The following CATSPERD variants were observed in gnomAD, a reference collection of about 807,000 sequenced individuals.
CATSPERD encodes the protein catsper channel auxiliary subunit delta, also known as cation channel sperm-associated auxiliary subunit delta.
A neutral mutation model predicts 98.1 loss-of-function variants in CATSPERD; 86 were observed. The ratio of observed to expected loss-of-function variants is 0.88; its 90% CI spans 0.74 to 1.05. The LOEUF (loss-of-function observed/expected upper bound fraction) is 1.05. CATSPERD is among the 50% of genes least tolerant of loss of function. The pLI is 0.00. For synonymous variants in CATSPERD, 394 were observed against 390.2 expected (o/e 1.01, Z -0.12); for missense variants, 995 against 1,005.7 (o/e 0.99, Z 0.14).
At chr19:5,737,080 A>G in intron 5 of CATSPERD, 58 bp from the exon 6 acceptor site, 1 of 1,215,156 alleles carries the variant, frequency 8.2e-7, no homozygotes. Context: ...AAAACAAAAA[A>G]CTTTTCTCCA....
At chr19:5,754,884 G>T (rs544236547) in intron 13 of CATSPERD, among the ~76,000 whole-genome samples, 9 of 138,372 alleles carry the variant, frequency 6.5e-5, no homozygotes, top group Non-Finnish European at 1.1e-4. Flanking sequence ...TTGCTCTGTC[G>T]CCCAGGCTGG....
chr19:5,751,419 A>T (rs12608476), intron 11 of CATSPERD, among the ~76,000 whole-genome samples: 67,210 of 145,954 alleles, frequency 0.46, 18,713 homozygotes, highest in East Asian at 0.89. Flanking sequence ...CTGTAGTCCC[A>T]GCTACTCGGG....
intron 14 of CATSPERD, 41 bp from the exon 15 acceptor site, chr19:5,759,045 T>C: frequency 6.3e-7 from 1 of 1,592,408 alleles, no homozygotes; most frequent in East Asian, 2.2e-5. Flanking sequence ...GCCCATGGTG[T>C]TCCACGGATA....
At chr19:5,762,196 TGAG>T (rs1568367162) in intron 15 of CATSPERD, among the ~76,000 whole-genome samples, 1 of 149,412 alleles carries the variant, frequency 6.7e-6, no homozygotes, top group East Asian at 2.0e-4. Flanking sequence ...CCCAGGTAGC[TGAG>T]ATTACAGACA....
chr19:5,740,336 C>T (rs1375743970), intron 7 of CATSPERD, among the ~76,000 whole-genome samples: 1 of 142,272 alleles, frequency 7.0e-6, no homozygotes, highest in Admixed American at 7.2e-5. Flanking sequence ...GCCTGTAATT[C>T]CAGCAATTTG....
intron 4 of CATSPERD, among the ~76,000 whole-genome samples, chr19:5,731,649 C>T (rs2055726066): frequency 7.5e-6 from 1 of 132,584 alleles, no homozygotes; most frequent in African/African-American, 2.8e-5. Flanking sequence ...AATCTCGGCT[C>T]ACTGCAAGCT....
Position 5,733,353 on chromosome 19 carries a change from TTCCTTCCCTC to T in CATSPERD, c.277-502_277-493del, listed in dbSNP as rs1346370838. 5.6e-5 allele frequency among the ~76,000 whole-genome samples: 8 copies of T among 142,324 alleles called. No individual in the cohort carries two copies. In the East Asian group the frequency reaches 1.3e-3, roughly 22 times the overall value. The allele number at this position is 142,324 out of a possible 152,430, so 93.4% of individuals were successfully genotyped here. ...TTTCTTTCCTTTCTTTCTTTCTTCCTTCCTTCCCTCCTTCCTTCCTTCCCTCCCTCTCTGC... is the reference window on the plus strand; with the variant it reads ...TTTCTTTCCTTTCTTTCTTTCTTCCTCTTCCTTCCTTCCCTCCCTCTCTGC... On this transcript the variant is annotated intron_variant, in intron 4 of 21. Coordinates refer to ENST00000381624, the MANE Select transcript of CATSPERD (RefSeq NM_152784.4).
intron 14 of CATSPERD, among the ~76,000 whole-genome samples, chr19:5,758,661 T>C (rs1379499131): frequency 6.7e-6 from 1 of 148,754 alleles, no homozygotes; most frequent in Non-Finnish European, 1.5e-5. Context: ...GAGAATGGCG[T>C]GAACCCAGGA....
In CATSPERD at chr19:5,755,246, G is replaced by A. The variant is rs1294319612; in HGVS notation, c.1278+1001G>A. Among the ~76,000 whole-genome samples the A allele has an allele frequency of 4.6e-5, 7 of 151,996 alleles. No individual in the cohort carries two copies. In the East Asian group the frequency reaches 1.2e-3, roughly 25 times the overall value. On this transcript the variant is annotated intron_variant, in intron 13 of 21. Transcript: ENST00000381624. Reference sequence around the variant, plus strand: ...AGCAGGAAGTGTTTGGATGTTTCTCGATCCAAAATCCAAGTGTCTAAGCCT... The same window carrying A: ...AGCAGGAAGTGTTTGGATGTTTCTCAATCCAAAATCCAAGTGTCTAAGCCT...
At chr19:5,742,807 G>T (rs182731264) in intron 7 of CATSPERD, among the ~76,000 whole-genome samples, 5 of 150,856 alleles carry the variant, frequency 3.3e-5, no homozygotes, top group Admixed American at 1.3e-4. Context: ...AAAAAGAAAA[G>T]AAACTGGTTG....
At chr19:5,731,480 A>G (rs1057125709) in intron 4 of CATSPERD, among the ~76,000 whole-genome samples, 1 of 151,614 alleles carries the variant, frequency 6.6e-6, no homozygotes, top group Non-Finnish European at 1.5e-5. Flanking sequence ...GCTTGAGACT[A>G]TCTCAAAATA....
chr19:5,726,434 T>C (rs1019604486), intron 2 of CATSPERD, among the ~76,000 whole-genome samples: 8 of 152,124 alleles, frequency 5.3e-5, no homozygotes, highest in African/African-American at 1.9e-4. Flanking sequence ...CAGGATGTAG[T>C]GCAGTGCTGA....
At chr19:5,741,199 C>G (rs1048010749) in intron 7 of CATSPERD, among the ~76,000 whole-genome samples, 4 of 152,192 alleles carry the variant, frequency 2.6e-5, no homozygotes, top group African/African-American at 9.7e-5. Flanking sequence ...TCATCATGCT[C>G]ACTTTACAGA....
At chr19:5,735,365 C>T (rs996948073) in intron 5 of CATSPERD, among the ~76,000 whole-genome samples, 7 of 152,040 alleles carry the variant, frequency 4.6e-5, no homozygotes, top group East Asian at 1.9e-4. Flanking sequence ...GGCTGGAGTG[C>T]GATCGCACGA....
intron 6 of CATSPERD, among the ~76,000 whole-genome samples, chr19:5,737,923 G>A (rs1261353387): frequency 6.6e-6 from 1 of 151,984 alleles, no homozygotes; most frequent in African/African-American, 2.4e-5. Context: ...CAAGAACTTG[G>A]TCAGTGTTAT....
At chr19:5,750,083 C>G (rs888312034) in intron 11 of CATSPERD, among the ~76,000 whole-genome samples, 3 of 150,436 alleles carry the variant, frequency 2.0e-5, no homozygotes, top group African/African-American at 7.3e-5. Context: ...GGATTACAGT[C>G]GTGAGCCACC....
intron 21 of CATSPERD, among the ~76,000 whole-genome samples, chr19:5,776,747 G>A (rs1028209839): frequency 1.3e-4 from 20 of 152,028 alleles, no homozygotes; most frequent in African/African-American, 4.6e-4. Flanking sequence ...GGTGGCAGGT[G>A]CCTTTAATCT....
At chr19:5,721,144 G>A (rs914412035) in intron 1 of CATSPERD, among the ~76,000 whole-genome samples, 2 of 151,348 alleles carry the variant, frequency 1.3e-5, no homozygotes, top group Middle Eastern at 3.4e-3. Context: ...GACTACAGGC[G>A]CCTGCCACCA....
intron 12 of CATSPERD, chr19:5,753,686 T>C (rs1313625394): frequency 3.2e-6 from 1 of 310,670 alleles, no homozygotes; most frequent in Middle Eastern, 5.6e-4. Context: ...CGTGGCAACA[T>C]AGTAAGCCCT....
Sources: gnomAD v4.1 joint callset for allele counts (sites outside exome capture counted in the v4.1 genomes callset) on GRCh38, gnomAD v4.1.1 for gene constraint, MANE v1.5 for transcripts, NCBI Gene and HGNC (gene_info 2026-07-23, HGNC 2026-07-21) for gene names.